The following REPS2 variants were observed in gnomAD, a reference collection of about 807,000 sequenced individuals.
The protein encoded by REPS2 is RALBP1 associated Eps domain containing 2.
A neutral mutation model predicts 53.6 loss-of-function variants in REPS2; 23 were observed. The ratio of observed to expected loss-of-function variants is 0.43; its 90% CI spans 0.31 to 0.61. The LOEUF is 0.61. Ranked by LOEUF, REPS2 falls within the 20% of genes least tolerant of loss-of-function variation. The pLI is 0.11. For synonymous variants in REPS2, 238 were observed against 218.6 expected, an observed-to-expected ratio of 1.09 and a Z score of -0.78; for missense variants, 446 against 534.9, an observed-to-expected ratio of 0.83 and a Z score of 1.64.
chrX:16,957,029 G>A (rs1354145414), intron 1 of REPS2, among the ~76,000 whole-genome samples: 3 of 112,460 alleles, frequency 2.7e-5, no homozygotes, highest in African/African-American at 9.7e-5. Context: ...CTTTGGTTCA[G>A]TCTCCTGGAG....
intron 11 of REPS2, among the ~76,000 whole-genome samples, chrX:17,070,472 A>G (rs2062289249): frequency 8.9e-6 from 1 of 112,056 alleles, no homozygotes; most frequent in South Asian, 3.7e-4. Context: ...TTCCAAGGAG[A>G]AAAATAAAAG....
At chrX:17,011,375 C>G (rs959095361) in intron 2 of REPS2, among the ~76,000 whole-genome samples, 1 of 110,770 alleles carries the variant, frequency 9.0e-6, no homozygotes, top group Non-Finnish European at 1.9e-5. Context: ...GAACATTTGC[C>G]CTGGGACCTG....
At chrX:17,167,734 C>G in the REPS2 span, among the ~76,000 whole-genome samples, 32 of 108,890 alleles carry the variant, frequency 2.9e-4, 1 homozygote, top group African/African-American at 1.1e-3. Flanking sequence ...TGTCTTGGAT[C>G]TAGGAGTTTC....
chrX:17,096,540 G>T (rs1292549543), intron 13 of REPS2, among the ~76,000 whole-genome samples: 1 of 99,835 alleles, frequency 1.0e-5, no homozygotes, highest in African/African-American at 3.6e-5. Context: ...GGCGCCTGTC[G>T]TCCCAGCTAC....
chrX:16,963,329 T>C (rs1306979759), intron 1 of REPS2, among the ~76,000 whole-genome samples: 1 of 112,159 alleles, frequency 8.9e-6, no homozygotes, highest in Non-Finnish European at 1.9e-5. Flanking sequence ...CTTTGTTCTG[T>C]TTTGCATTCT....
intron 8 of REPS2, 146 bp from the exon 9 acceptor site, chrX:17,062,292 A>G (rs1383308924): frequency 9.2e-6 from 4 of 432,570 alleles, no homozygotes; most frequent in Non-Finnish European, 1.6e-5. Flanking sequence ...TGAAAGTACT[A>G]CCTCAGCATG....
chrX:16,956,121 C>G lies in REPS2; in HGVS notation c.273+8987C>G, dbSNP rs149631365. Among the ~76,000 whole-genome samples, 532 of 110,263 alleles carry G rather than the reference C, an allele frequency of 4.8e-3. 5 individuals are homozygous for G. Among genetic ancestry groups the G allele is most frequent in the African/African-American group, 0.016 (488 of 30,335 alleles). On this transcript the variant is annotated intron_variant, in intron 1 of 17. Transcript: ENST00000357277. ...TGCCCTGCCTGGCTACTCCTGCACG[C>G]AGTGCTCTAAAGCAGGCCTTCTCAG...
intron 1 of REPS2, among the ~76,000 whole-genome samples, chrX:16,947,616 G>T (rs1317968728): frequency 8.9e-6 from 1 of 111,992 alleles, no homozygotes; most frequent in Non-Finnish European, 1.9e-5. Context: ...TCCTCTCTAT[G>T]TAGTTGTAAT....
chrX:16,955,936 T>C (rs1435775910), intron 1 of REPS2, among the ~76,000 whole-genome samples: 6 of 112,706 alleles, frequency 5.3e-5, no homozygotes, highest in Admixed American at 9.4e-5. Context: ...TAATTTAGAA[T>C]TCCTTTATCT....
chrX:17,076,187 G>A (rs1417135146), intron 12 of REPS2, among the ~76,000 whole-genome samples: 3 of 112,176 alleles, frequency 2.7e-5, no homozygotes, highest in East Asian at 2.8e-4. Flanking sequence ...AAGAACTGAA[G>A]GGGTTTAATA....
chrX:17,099,938 G>A, intron 13 of REPS2: 1 of 1,140,208 alleles, frequency 8.8e-7, no homozygotes, highest in South Asian at 1.8e-5. Flanking sequence ...GCTCTCCACT[G>A]GAGTCTGTAG....
At chrX:17,073,464 G>A (rs911873673) in intron 11 of REPS2, among the ~76,000 whole-genome samples, 22 of 112,075 alleles carry the variant, frequency 2.0e-4, no homozygotes, top group African/African-American at 6.8e-4. Flanking sequence ...GGCGTTGGTA[G>A]TGAGCAAGTT....
intron 1 of REPS2, among the ~76,000 whole-genome samples, chrX:16,979,102 A>G (rs1029371648): frequency 8.9e-6 from 1 of 112,100 alleles, no homozygotes; most frequent in Non-Finnish European, 1.9e-5. Context: ...AAAGTTAACA[A>G]GTGTAAAATG....
intron 1 of REPS2, among the ~76,000 whole-genome samples, chrX:16,974,139 G>A (rs1004149764): frequency 9.0e-6 from 1 of 111,457 alleles, no homozygotes; most frequent in Non-Finnish European, 1.9e-5. Flanking sequence ...TATGCAGTCT[G>A]TATTCCAGTT....
intron 14 of REPS2, among the ~76,000 whole-genome samples, chrX:17,104,950 G>T (rs1394220240): frequency 9.0e-6 from 1 of 111,367 alleles, no homozygotes; most frequent in Non-Finnish European, 1.9e-5. Context: ...AATAAATCAG[G>T]CATTGTGCTA....
intron 12 of REPS2, chrX:17,074,377 G>A: frequency 2.9e-6 from 1 of 349,806 alleles, no homozygotes; most frequent in Non-Finnish European, 5.0e-6. Flanking sequence ...GACCATGAAT[G>A]CCCTACGGCC....
Position 17,104,675 on chromosome X carries a change from A to T in REPS2, c.1578+896A>T, listed in dbSNP as rs755067825. 5.4e-5 allele frequency among the ~76,000 whole-genome samples: 6 copies of T among 111,799 alleles called. No individual in the cohort carries two copies. In the South Asian group the frequency reaches 1.5e-3, roughly 28 times the overall value. On this transcript the variant is annotated intron_variant, in intron 14 of 17. Transcript: ENST00000357277. ...GGTTTTTAGCATCCACTCAACCTTG[A>T]GATGCAAATACTATGAGATATTGGC...
Position 16,951,546 on chromosome X carries a change from CA to C in REPS2, c.273+4413del, listed in dbSNP as rs2060509077. 3.0e-4 allele frequency among the ~76,000 whole-genome samples: 11 copies of C among 36,181 alleles called. 1 individual carries two copies. Among genetic ancestry groups the C allele is most frequent in the African/African-American group, 5.7e-4 (9 of 15,853 alleles). The allele number at this position is 36,181 out of a possible 115,157, so 31.4% of individuals were successfully genotyped here. On this transcript the variant is annotated intron_variant, in intron 1 of 17. Transcript: ENST00000357277. ...ACACACACACACACACACACACACACACACACACACACACCCCCGCTACCTA... is the reference window on the plus strand; with the variant it reads ...ACACACACACACACACACACACACACCACACACACACACCCCCGCTACCTA...
At chrX:17,005,503 G>C (rs1386877534) in intron 1 of REPS2, among the ~76,000 whole-genome samples, 1 of 111,353 alleles carries the variant, frequency 9.0e-6, no homozygotes, top group Non-Finnish European at 1.9e-5. Flanking sequence ...GCAAGTCTAA[G>C]ACACTGTATC....
Sources: allele counts gnomAD v4.1 joint callset (sites outside exome capture counted in the v4.1 genomes callset), GRCh38; gene constraint gnomAD v4.1.1; transcripts MANE v1.5; gene names NCBI Gene and HGNC (gene_info 2026-07-23, HGNC 2026-07-21).